Variants in STAB2 observed in about 807,000 individuals in gnomAD.
The protein encoded by STAB2 is stabilin 2, also known as stabilin-2.
In STAB2, 288 loss-of-function variants were observed where a neutral mutation model predicts 338.1. That is an observed-to-expected ratio of 0.85 (90% CI 0.77 to 0.94). The LOEUF is 0.94. Ranked by LOEUF, STAB2 falls within the 40% of genes least tolerant of loss-of-function variation. STAB2 has a pLI of 0.00. For missense variants in STAB2, 3,141 were observed against 3,210.1 expected (o/e 0.98, Z 0.52); for synonymous variants, 1,202 against 1,193.3 (o/e 1.01, Z -0.15).
intron 9 of STAB2, among the ~76,000 whole-genome samples, chr12:103,646,315 A>C (rs181354552): frequency 6.6e-6 from 1 of 152,332 alleles, no homozygotes; most frequent in East Asian, 1.9e-4. Context: ...TCAATCTTCT[A>C]TCATGGCACT....
At chr12:103,643,928 C>T (rs558435025) in intron 9 of STAB2, among the ~76,000 whole-genome samples, 10 of 103,420 alleles carry the variant, frequency 9.7e-5, no homozygotes, top group East Asian at 7.2e-4. Context: ...CCCCTCTGCC[C>T]GGCCAGCCGC....
chr12:103,630,711 G>A (rs183436556), intron 5 of STAB2, among the ~76,000 whole-genome samples: 1 of 152,248 alleles, frequency 6.6e-6, no homozygotes, highest in African/African-American at 2.4e-5. Flanking sequence ...CCCTGAAGAT[G>A]GAGAAAGGGT....
chr12:103,708,964 T>C (rs952158549), intron 39 of STAB2, among the ~76,000 whole-genome samples: 16 of 152,224 alleles, frequency 1.1e-4, no homozygotes, highest in Non-Finnish European at 1.9e-4. Flanking sequence ...TTTTCTGCTC[T>C]CTCAAACACT....
At chr12:103,614,724 G>A (rs557649615) in intron 3 of STAB2, among the ~76,000 whole-genome samples, 16 of 152,190 alleles carry the variant, frequency 1.1e-4, no homozygotes, top group Non-Finnish European at 2.2e-4. Flanking sequence ...ACCATCCCAT[G>A]CAAAGGCACA....
intron 23 of STAB2, among the ~76,000 whole-genome samples, 194 bp from the exon 24 acceptor site, chr12:103,675,734 A>G (rs697200): frequency 0.61 from 93,106 of 152,160 alleles, 28,627 homozygotes; most frequent in East Asian, 0.81. Context: ...AGAAGTGGGC[A>G]GGCTTCATTT....
intron 44 of STAB2, among the ~76,000 whole-genome samples, chr12:103,718,644 A>C (rs550310344): frequency 6.5e-4 from 99 of 152,354 alleles, no homozygotes; most frequent in African/African-American, 2.2e-3. Context: ...TTAGAAGAAA[A>C]CAGATTTCTT....
At chr12:103,666,398 C>A in intron 19 of STAB2, 45 bp downstream of exon 19, 1 of 1,603,490 alleles carries the variant, frequency 6.2e-7, no homozygotes, top group East Asian at 2.2e-5. Flanking sequence ...CCAAGCAGCC[C>A]CACTGGTGTG....
At chr12:103,603,018 C>CT in intron 3 of STAB2, among the ~76,000 whole-genome samples, 1 of 152,198 alleles carries the variant, frequency 6.6e-6, no homozygotes, top group African/African-American at 2.4e-5. Context: ...TTGTAGTTGG[C>CT]TTTACATTCA....
chr12:103,649,462 G>C (rs1215441300), intron 10 of STAB2, among the ~76,000 whole-genome samples: 3 of 152,152 alleles, frequency 2.0e-5, no homozygotes, highest in Admixed American at 2.0e-4. Context: ...ACTGATCACA[G>C]CATTGGACAC....
intron 53 of STAB2, among the ~76,000 whole-genome samples, chr12:103,738,807 C>A (rs149200845): frequency 2.0e-5 from 3 of 152,290 alleles, no homozygotes; most frequent in African/African-American, 2.4e-5. Context: ...AACACTTGCA[C>A]CCATATGTCC....
At chr12:103,704,511 T>C in intron 35 of STAB2, 47 bp from the exon 36 acceptor site, 1 of 1,583,598 alleles carries the variant, frequency 6.3e-7, no homozygotes, top group Non-Finnish European at 8.6e-7. Flanking sequence ...TGCAGCTTCA[T>C]TTTGTATTAA....
chr12:103,677,134 T>C (rs1876457267), intron 24 of STAB2, among the ~76,000 whole-genome samples: 1 of 152,210 alleles, frequency 6.6e-6, no homozygotes. Flanking sequence ...GGGCAACACC[T>C]GTTTCCTTAG....
chr12:103,682,864 C>T (rs2138868559), intron 25 of STAB2, among the ~76,000 whole-genome samples: 1 of 152,270 alleles, frequency 6.6e-6, no homozygotes, highest in Admixed American at 6.5e-5. Flanking sequence ...AGGAGAATCG[C>T]TTGAACCTGG....
intron 6 of STAB2, among the ~76,000 whole-genome samples, 195 bp from the exon 7 acceptor site, chr12:103,636,916 A>G (rs1278564975): frequency 3.3e-5 from 5 of 152,256 alleles, no homozygotes; most frequent in Admixed American, 2.6e-4. Flanking sequence ...ATAAATTAAT[A>G]TATTTTATTG....
At chr12:103,698,150 T>C (rs186048678) in intron 33 of STAB2, among the ~76,000 whole-genome samples, 8 of 152,202 alleles carry the variant, frequency 5.3e-5, no homozygotes, top group African/African-American at 1.9e-4. Flanking sequence ...CCTCTGACTG[T>C]CTAGAGCTTC....
intron 40 of STAB2, among the ~76,000 whole-genome samples, chr12:103,711,921 A>C (rs1879900114): frequency 6.6e-6 from 1 of 152,344 alleles, no homozygotes; most frequent in East Asian, 1.9e-4. Context: ...TTAGACATGA[A>C]TTCAAAGTCA....
At chr12:103,622,269 C>A (rs773908370) in intron 5 of STAB2, among the ~76,000 whole-genome samples, 158 bp downstream of exon 5, 9 of 152,218 alleles carry the variant, frequency 5.9e-5, no homozygotes, top group Non-Finnish European at 1.0e-4. Flanking sequence ...ATGAACAATT[C>A]ATGAATCAGG....
chr12:103,604,647 T>C (rs1250598773), intron 3 of STAB2, among the ~76,000 whole-genome samples: 1 of 152,002 alleles, frequency 6.6e-6, no homozygotes, highest in Admixed American at 6.5e-5. Context: ...GGCATAAACT[T>C]GTTCATAATA....
At chr12:103,708,391 A>G (rs370755142) in intron 38 of STAB2, 50 bp from the exon 39 acceptor site, 7 of 1,574,394 alleles carry the variant, frequency 4.4e-6, no homozygotes, top group African/African-American at 4.1e-5. Flanking sequence ...CAAATGAGTT[A>G]TTGAACATGG....
Sources: gnomAD v4.1 joint callset for allele counts (sites outside exome capture counted in the v4.1 genomes callset) on GRCh38, gnomAD v4.1.1 for gene constraint, MANE v1.5 for transcripts, NCBI Gene and HGNC (gene_info 2026-07-23, HGNC 2026-07-21) for gene names.